The following TSPAN9 variants were observed in gnomAD, a reference collection of about 807,000 sequenced individuals.
The protein encoded by TSPAN9 is tetraspanin 9.
In TSPAN9, 16 loss-of-function variants were observed where a neutral mutation model predicts 31.0. The observed-to-expected ratio is 0.52, with a 90% confidence interval of 0.35 to 0.78. TSPAN9 has a LOEUF of 0.78. TSPAN9 is among the 30% of genes least tolerant of loss of function. The pLI is 0.01. For synonymous variants in TSPAN9, 145 were observed against 121.6 expected, an observed-to-expected ratio of 1.19 and a Z score of -1.27; for missense variants, 272 against 312.5, an observed-to-expected ratio of 0.87 and a Z score of 0.98.
In TSPAN9 at chr12:3,280,537, G is replaced by A; in HGVS notation, c.432+54G>A. The A allele has an allele frequency of 1.3e-6, 2 of 1,533,088 alleles. No individual in the cohort carries two copies. Among genetic ancestry groups the A allele is most frequent in the African/African-American group, 2.7e-5 (2 of 73,324 alleles). The allele number at this position is 1,533,088 out of a possible 1,614,324, so 95.0% of individuals were successfully genotyped here. On this transcript the variant is annotated intron_variant, in intron 6 of 8. Transcript: ENST00000011898. The surrounding 1 kb of genome is among the most constrained non-coding windows in gnomAD (Gnocchi z 4.5). ...AGGCAGGGAGGAGGGGTGGCGGCCG[G>A]TACTTCTAGCTGCCTTCCCCGGTGA...
At chr12:3,214,547 G>T (rs984326711) in intron 3 of TSPAN9, among the ~76,000 whole-genome samples, 4 of 152,092 alleles carry the variant, frequency 2.6e-5, no homozygotes, top group African/African-American at 7.2e-5. Flanking sequence ...GCTTAGTGGT[G>T]GGGGGAGAAT....
At chr12:3,252,470 C>G (rs1201011567) in intron 3 of TSPAN9, among the ~76,000 whole-genome samples, 3 of 152,208 alleles carry the variant, frequency 2.0e-5, no homozygotes, top group Non-Finnish European at 4.4e-5. Context: ...AGCCCCTGGG[C>G]TCCCCCCAGC....
chr12:3,239,400 G>A (rs1459309732), intron 3 of TSPAN9, among the ~76,000 whole-genome samples: 2 of 152,128 alleles, frequency 1.3e-5, no homozygotes, highest in African/African-American at 4.8e-5. Flanking sequence ...CTACACAGAG[G>A]GCAGCACCTT....
intron 3 of TSPAN9, among the ~76,000 whole-genome samples, chr12:3,219,626 G>GA (rs1170855154): frequency 5.9e-5 from 9 of 152,018 alleles, no homozygotes; most frequent in African/African-American, 2.2e-4. Context: ...TAGATGAGTA[G>GA]AGAAAAATGG....
intron 3 of TSPAN9, among the ~76,000 whole-genome samples, chr12:3,223,643 G>T (rs1234570638): frequency 6.6e-6 from 1 of 152,224 alleles, no homozygotes; most frequent in Non-Finnish European, 1.5e-5. Flanking sequence ...GTCTGCACCT[G>T]CCTCTCCAGC....
intron 3 of TSPAN9, among the ~76,000 whole-genome samples, chr12:3,211,203 T>C (rs1591679830): frequency 6.6e-6 from 1 of 152,230 alleles, no homozygotes; most frequent in Middle Eastern, 3.2e-3. Flanking sequence ...TTGGAATTTA[T>C]ATTTGTATAT....
chr12:3,188,554 C>T (rs1029575280), intron 2 of TSPAN9, among the ~76,000 whole-genome samples: 4 of 152,084 alleles, frequency 2.6e-5, no homozygotes, highest in African/African-American at 9.7e-5. Context: ...CTGGCATTTC[C>T]TCTGGCAGCA....
At chr12:3,268,353 C>T (rs1862582171) in intron 3 of TSPAN9, among the ~76,000 whole-genome samples, 1 of 124,722 alleles carries the variant, frequency 8.0e-6, no homozygotes, top group African/African-American at 3.2e-5. Flanking sequence ...TCTCTGTGTT[C>T]CTGCAGCCTG....
intron 2 of TSPAN9, among the ~76,000 whole-genome samples, chr12:3,122,904 A>AC (rs1020202590): frequency 2.0e-4 from 30 of 152,206 alleles, no homozygotes; most frequent in African/African-American, 7.2e-4. Flanking sequence ...AAAATGCCAA[A>AC]CAGAGAGCTT....
intron 3 of TSPAN9, among the ~76,000 whole-genome samples, chr12:3,230,058 T>C (rs116299929): frequency 6.8e-4 from 104 of 152,278 alleles, no homozygotes; most frequent in African/African-American, 2.5e-3. Context: ...CCCCCTTCCT[T>C]TCTTCTCCTC....
chr12:3,148,719 C>T (rs2098338466), intron 2 of TSPAN9, among the ~76,000 whole-genome samples: 1 of 152,220 alleles, frequency 6.6e-6, no homozygotes, highest in Non-Finnish European at 1.5e-5. Flanking sequence ...CCTTACAGAG[C>T]AGCACTCAGA....
At chr12:3,112,903 A>C (rs1012481783) in intron 2 of TSPAN9, among the ~76,000 whole-genome samples, 1 of 151,588 alleles carries the variant, frequency 6.6e-6, no homozygotes, top group Non-Finnish European at 1.5e-5. Flanking sequence ...TTGGTCTCGA[A>C]CTCCTGGCTC....
chr12:3,278,946 G>C, intron 4 of TSPAN9, 46 bp from the exon 5 acceptor site: 1 of 1,597,490 alleles, frequency 6.3e-7, no homozygotes, highest in Non-Finnish European at 8.6e-7. Context: ...CTTGTCCTCA[G>C]CCCTGCCCAT....
At chr12:3,243,116 AC>A (rs1411743455) in intron 3 of TSPAN9, among the ~76,000 whole-genome samples, 1 of 152,178 alleles carries the variant, frequency 6.6e-6, no homozygotes, top group East Asian at 1.9e-4. Flanking sequence ...AATGTAGAAA[AC>A]AACCCAATAG....
intron 2 of TSPAN9, among the ~76,000 whole-genome samples, chr12:3,185,222 A>T (rs1477752522): frequency 6.6e-6 from 1 of 151,874 alleles, no homozygotes; most frequent in African/African-American, 2.4e-5. Flanking sequence ...GGGAGAAGGG[A>T]GTTGGGGGAC....
intron 2 of TSPAN9, among the ~76,000 whole-genome samples, chr12:3,140,113 A>T (rs2098334089): frequency 6.6e-6 from 1 of 151,402 alleles, no homozygotes; most frequent in African/African-American, 2.4e-5. Flanking sequence ...GGGTGCAAGT[A>T]ATCATCAGAT....
intron 3 of TSPAN9, among the ~76,000 whole-genome samples, chr12:3,243,523 C>T (rs2098397725): frequency 6.6e-6 from 1 of 152,242 alleles, no homozygotes; most frequent in Non-Finnish European, 1.5e-5. Context: ...CCCCACAGGG[C>T]TAAGCCCTGA....
rs530239965 is a variant in TSPAN9, at chr12:3,188,354, A to G, written c.-17-12823A>G. 2.6e-5 allele frequency among the ~76,000 whole-genome samples: 4 copies of G among 152,128 alleles called. No individual in the cohort carries two copies. In the South Asian group the frequency reaches 8.3e-4, roughly 32 times the overall value. ...TGCCCTGCCAGGCTCCTGCGGTACT[A>G]CTGTGCTTGCTGTGTGTTCATCTCT... On this transcript the variant is annotated intron_variant, in intron 2 of 8. Transcript: ENST00000011898.
intron 3 of TSPAN9, among the ~76,000 whole-genome samples, chr12:3,257,080 C>A (rs1862361008): frequency 6.6e-6 from 1 of 152,090 alleles, no homozygotes; most frequent in African/African-American, 2.4e-5. Context: ...GGAGACCGCT[C>A]CCCACCAAGT....
Sources: allele counts gnomAD v4.1 joint callset (sites outside exome capture counted in the v4.1 genomes callset), GRCh38; gene constraint gnomAD v4.1.1; non-coding constraint Gnocchi (gnomAD v3.1); transcripts MANE v1.5; gene names NCBI Gene and HGNC (gene_info 2026-07-23, HGNC 2026-07-21).